The following DGKB variants were observed in gnomAD, a reference collection of about 807,000 sequenced individuals.
DGKB encodes the protein 90 kDa diacylglycerol kinase.
Under a neutral mutation model 114.3 loss-of-function variants are expected in DGKB, and 67 were observed. The ratio of observed to expected loss-of-function variants is 0.59; its 90% CI spans 0.48 to 0.72. The LOEUF is 0.72. DGKB is among the 30% of genes least tolerant of loss of function. DGKB has a pLI of 0.00. For synonymous variants in DGKB, 398 were observed against 323.1 expected (o/e 1.23, Z -2.49); for missense variants, 907 against 975.2 (o/e 0.93, Z 0.93).
intron 20 of DGKB, among the ~76,000 whole-genome samples, chr7:14,533,998 T>C (rs1175999428): frequency 6.6e-6 from 1 of 152,038 alleles, no homozygotes; most frequent in African/African-American, 2.4e-5. Flanking sequence ...AAGGTAAATA[T>C]GTAGGCAAAT....
At chr7:14,375,730 C>G (rs10272374) in intron 21 of DGKB, among the ~76,000 whole-genome samples, 43 of 152,284 alleles carry the variant, frequency 2.8e-4, no homozygotes, top group African/African-American at 1.0e-3. Flanking sequence ...GATAGCACTT[C>G]CTGCCATCTG....
rs185319474 is a variant in DGKB, at chr7:14,890,614, C to T, written c.-188+11978G>A. On this transcript the variant is annotated intron_variant, in intron 1 of 25. Transcript: ENST00000402815. ...AAATATGGGATGTGTCTGAGAAAAA[C>T]ATCTTCTTTCTGTTACTGTGGGCAT... Among the ~76,000 whole-genome samples, 15 of 151,374 alleles carry T rather than the reference C, an allele frequency of 9.9e-5. No homozygotes were observed. In the East Asian group the frequency reaches 2.9e-3, roughly 30 times the overall value.
At chr7:14,686,656 C>T (rs1442224749) in intron 9 of DGKB, among the ~76,000 whole-genome samples, 1 of 152,076 alleles carries the variant, frequency 6.6e-6, no homozygotes, top group Non-Finnish European at 1.5e-5. Context: ...TTCCTATTCC[C>T]AGTCAAGGGA....
intron 8 of DGKB, among the ~76,000 whole-genome samples, chr7:14,695,286 G>T (rs985273286): frequency 6.6e-6 from 1 of 152,006 alleles, no homozygotes; most frequent in Non-Finnish European, 1.5e-5. Context: ...ATTTGTTTCA[G>T]ATGGGTGATG....
chr7:14,218,373 C>T lies in DGKB; in HGVS notation c.2123-40222G>A, dbSNP rs532488010. On this transcript the variant is annotated intron_variant, in intron 23 of 25. Transcript: ENST00000402815. ...TTGATCAAGATTACTCTATTTGTCT[C>T]TACACTGAAACCATCTTGCAAAAGC... Among the ~76,000 whole-genome samples, 4 of 152,182 alleles carry T rather than the reference C, an allele frequency of 2.6e-5. No individual in the cohort carries two copies. In the South Asian group the frequency reaches 8.3e-4, roughly 32 times the overall value.
intron 20 of DGKB, among the ~76,000 whole-genome samples, chr7:14,543,817 C>T (rs1793867201): frequency 6.6e-6 from 1 of 152,214 alleles, no homozygotes; most frequent in East Asian, 1.9e-4. Context: ...ACAGAGAAAG[C>T]TCCAAAAATC....
chr7:14,738,144 C>A (rs921344791), intron 4 of DGKB, among the ~76,000 whole-genome samples: 2 of 152,244 alleles, frequency 1.3e-5, no homozygotes, highest in Admixed American at 6.5e-5. Context: ...TTAGAGATGA[C>A]CTATTAAAGA....
intron 23 of DGKB, among the ~76,000 whole-genome samples, chr7:14,223,011 C>A (rs780524538): frequency 5.3e-4 from 80 of 151,656 alleles, no homozygotes; most frequent in South Asian, 1.0e-3. Context: ...TACTTTCAAT[C>A]TATTTTTTAT....
chr7:14,304,087 A>ACACAAACACACACTCTCT (rs140836395), intron 23 of DGKB, among the ~76,000 whole-genome samples: 1 of 110,072 alleles, frequency 9.1e-6, no homozygotes, highest in Non-Finnish European at 1.8e-5. Flanking sequence ...ACACACACAC[A>ACACAAACACACACTCTCT]CTCTCTCTCT....
At chr7:14,919,552 T>C (rs1018738202) in intron 1 of DGKB, among the ~76,000 whole-genome samples, 3 of 152,208 alleles carry the variant, frequency 2.0e-5, no homozygotes, top group Non-Finnish European at 4.4e-5. Context: ...CCTTGGATAT[T>C]TGTCCCCTCC....
intron 21 of DGKB, among the ~76,000 whole-genome samples, chr7:14,370,012 G>C (rs1294888368): frequency 6.6e-6 from 1 of 152,112 alleles, no homozygotes; most frequent in Non-Finnish European, 1.5e-5. Context: ...TAGTCGTGAA[G>C]GCTTTGTCCA....
chr7:14,209,762 C>T (rs530499056), intron 23 of DGKB, among the ~76,000 whole-genome samples: 1 of 152,184 alleles, frequency 6.6e-6, no homozygotes, highest in East Asian at 1.9e-4. Flanking sequence ...ACAGAGTTCA[C>T]TTTATTTTCA....
At chr7:14,790,792 T>C (rs9690434) in intron 2 of DGKB, among the ~76,000 whole-genome samples, 55,800 of 151,930 alleles carry the variant, frequency 0.37, 11,824 homozygotes, top group African/African-American at 0.6. Flanking sequence ...ATTCTAGTTC[T>C]TTTGCCTTTT....
At chr7:14,396,466 T>C (rs945131997) in intron 21 of DGKB, among the ~76,000 whole-genome samples, 1 of 152,132 alleles carries the variant, frequency 6.6e-6, no homozygotes, top group Non-Finnish European at 1.5e-5. Context: ...CATATCAGTC[T>C]TTGTTAGACC....
intron 1 of DGKB, among the ~76,000 whole-genome samples, chr7:14,869,898 A>G (rs1735047112): frequency 6.6e-6 from 1 of 152,316 alleles, no homozygotes; most frequent in Middle Eastern, 3.4e-3. Context: ...GATCTAGTTT[A>G]TGATCTGGAA....
intron 23 of DGKB, among the ~76,000 whole-genome samples, chr7:14,238,276 G>A (rs1793104151): frequency 6.6e-6 from 1 of 151,936 alleles, no homozygotes; most frequent in African/African-American, 2.4e-5. Context: ...CATAAGATCT[G>A]ACGGTTTAAT....
Position 14,689,194 on chromosome 7 carries a change from CTCT to C in DGKB, c.712-3835_712-3833del, listed in dbSNP as rs1337860619. On this transcript the variant is annotated intron_variant, in intron 9 of 25. Transcript: ENST00000402815. ...AATTATGACAATGTGACAGAAACTC[CTCT>C]TATTTTTTTTTTTTTTTTTTTTTTT... Among the ~76,000 whole-genome samples, 134 of 92,226 alleles carry C rather than the reference CTCT, an allele frequency of 1.5e-3. 1 individual carries two copies. The highest frequency in any genetic ancestry group is 2.4e-3 in the Non-Finnish European group (107 of 44,196). The allele number at this position is 92,226 out of a possible 152,430, so 60.5% of individuals were successfully genotyped here.
intron 23 of DGKB, among the ~76,000 whole-genome samples, chr7:14,260,583 T>C (rs1341746314): frequency 6.6e-6 from 1 of 152,180 alleles, no homozygotes; most frequent in African/African-American, 2.4e-5. Flanking sequence ...ACTAATAAAA[T>C]AAGGCAGTTT....
intron 19 of DGKB, among the ~76,000 whole-genome samples, chr7:14,574,963 A>T (rs1798911573): frequency 6.6e-6 from 1 of 151,902 alleles, no homozygotes; most frequent in Non-Finnish European, 1.5e-5. Context: ...ATTGTTTTAT[A>T]TTTGCTAATA....
Sources: gnomAD v4.1 joint callset for allele counts (sites outside exome capture counted in the v4.1 genomes callset) on GRCh38, gnomAD v4.1.1 for gene constraint, MANE v1.5 for transcripts, NCBI Gene and HGNC (gene_info 2026-07-23, HGNC 2026-07-21) for gene names.